Variants in COL4A2 observed in about 807,000 individuals in gnomAD.
The protein encoded by COL4A2 is collagen alpha-2(IV) chain.
Under a neutral mutation model 200.2 loss-of-function variants are expected in COL4A2, and 99 were observed. That is an observed-to-expected ratio of 0.49 (90% confidence interval 0.42 to 0.58). COL4A2 has a LOEUF of 0.58. Ranked by LOEUF, COL4A2 falls within the 20% of genes least tolerant of loss-of-function variation. COL4A2 has a pLI of 0.00. For synonymous variants in COL4A2, 897 were observed against 900.6 expected, an observed-to-expected ratio of 1.00 and a Z score of 0.07; for missense variants, 1,950 against 2,314.1, an observed-to-expected ratio of 0.84 and a Z score of 3.23.
At chr13:110,380,747 G>A (rs1406829192) in intron 4 of COL4A2, among the ~76,000 whole-genome samples, 1 of 151,190 alleles carries the variant, frequency 6.6e-6, no homozygotes, top group Non-Finnish European at 1.5e-5. Flanking sequence ...ATACCCACGT[G>A]CTCTGTCTCA....
chr13:110,449,386 GCCT>G (rs1375655364), intron 18 of COL4A2, among the ~76,000 whole-genome samples: 17 of 152,114 alleles, frequency 1.1e-4, no homozygotes, highest in African/African-American at 4.1e-4. Context: ...GGGAAGTGAG[GCCT>G]CCTCGCTCCC....
intron 16 of COL4A2, 75 bp from the exon 17 acceptor site, chr13:110,445,754 T>C (rs1043468624): frequency 7.3e-5 from 113 of 1,541,474 alleles, no homozygotes; most frequent in Non-Finnish European, 1.0e-4. Flanking sequence ...TTGTGAGATA[T>C]AATAATGCCA....
At chr13:110,474,679 A>ACG (rs1566555262) in intron 29 of COL4A2, among the ~76,000 whole-genome samples, 6 of 138,126 alleles carry the variant, frequency 4.3e-5, no homozygotes, top group Non-Finnish European at 7.9e-5. Flanking sequence ...CACTCCTTAC[A>ACG]CACGTACCCA....
At chr13:110,432,166 G>A (rs1880707089) in intron 10 of COL4A2, among the ~76,000 whole-genome samples, 159 bp from the exon 11 acceptor site, 1 of 152,196 alleles carries the variant, frequency 6.6e-6, no homozygotes, top group Non-Finnish European at 1.5e-5. Flanking sequence ...CTCTCCCCCA[G>A]CATGTCATCT....
At position 110,457,535 on chromosome 13, in the gene COL4A2, A is replaced by G. The variant is rs9555703; in HGVS notation, c.1432+100A>G. On this transcript the variant is annotated intron_variant, in intron 21 of 47. Transcript: ENST00000360467. ...CCATCCCCCACTCACGTGTTTGGAC[A>G]TGAAAATGAGCCTGCATGTCTCTCC... 0.25 allele frequency: 192,597 copies of G among 765,636 alleles called. 26,324 individuals carry two copies. The highest frequency in any genetic ancestry group is 0.3 in the Non-Finnish European group (127,927 of 429,330). 47.4% of individuals were successfully genotyped at this position (765,636 alleles called of 1,614,324 possible).
intron 3 of COL4A2, among the ~76,000 whole-genome samples, chr13:110,331,043 T>G (rs771473013): frequency 6.7e-6 from 1 of 149,300 alleles, no homozygotes; most frequent in Non-Finnish European, 1.5e-5. Context: ...ATCAGTAATA[T>G]TTTTTTCTTT....
intron 4 of COL4A2, among the ~76,000 whole-genome samples, chr13:110,405,493 T>A (rs937039919): frequency 6.8e-6 from 1 of 146,012 alleles, no homozygotes; most frequent in Admixed American, 6.8e-5. Flanking sequence ...ACCCGTCTTC[T>A]CCATCACCCG....
chr13:110,339,175 C>G (rs1876340784), intron 3 of COL4A2, among the ~76,000 whole-genome samples: 1 of 152,194 alleles, frequency 6.6e-6, no homozygotes, highest in Non-Finnish European at 1.5e-5. Flanking sequence ...AGAGAAACTT[C>G]AGTGACTTGA....
chr13:110,420,415 G>A lies in COL4A2; in HGVS notation c.181-4319G>A, dbSNP rs181991590. Among the ~76,000 whole-genome samples, 182 of 152,306 alleles carry A rather than the reference G, an allele frequency of 1.2e-3. 1 individual carries two copies. Among genetic ancestry groups the A allele is most frequent in the African/African-American group, 4.1e-3 (172 of 41,552 alleles). On this transcript the variant is annotated intron_variant, in intron 4 of 47. Transcript: ENST00000360467. ...ACCTCTACATGGTCTGGTGGTGGGA[G>A]CAGGGCGGGGGGCAGGGGACATGAC...
At chr13:110,506,329 G>A (rs891742296) in intron 45 of COL4A2, 86 bp from the exon 46 acceptor site, 41 of 1,365,932 alleles carry the variant, frequency 3.0e-5, no homozygotes, top group Non-Finnish European at 4.1e-5. Flanking sequence ...CTCTCAGGCT[G>A]TAGGTGCACC....
At position 110,307,983 on chromosome 13, in the gene COL4A2, C is replaced by G; in HGVS notation, c.44+36C>G. On this transcript the variant is annotated intron_variant, in intron 2 of 47. Coordinates refer to ENST00000360467, the MANE Select transcript of COL4A2 (RefSeq NM_001846.4). The surrounding 1 kb of genome is among the most constrained non-coding windows in gnomAD (Gnocchi z 5.0). ...TTCTGCCTGGTCCCCGTGGGTCACG[C>G]GCGCATGGACCCTTCGGTGTAACTC... 6.2e-7 allele frequency: 1 copy of G among 1,611,326 alleles called. No homozygotes were observed. Among genetic ancestry groups the G allele is most frequent in the South Asian group, 1.1e-5 (1 of 90,884 alleles).
At chr13:110,410,019 C>G (rs1879767223) in intron 4 of COL4A2, among the ~76,000 whole-genome samples, 1 of 152,220 alleles carries the variant, frequency 6.6e-6, no homozygotes, top group Non-Finnish European at 1.5e-5. Flanking sequence ...GCATCAGACA[C>G]TCGGTGTTAC....
chr13:110,491,749 G>A (rs403241), intron 37 of COL4A2, among the ~76,000 whole-genome samples: 9 of 152,050 alleles, frequency 5.9e-5, no homozygotes, highest in Non-Finnish European at 1.0e-4. Flanking sequence ...ACTCAGCACC[G>A]GGGAATGCCA....
intron 14 of COL4A2, 114 bp from the exon 15 acceptor site, chr13:110,438,504 G>C: frequency 7.2e-7 from 1 of 1,387,642 alleles, no homozygotes; most frequent in Non-Finnish European, 1.0e-6. Flanking sequence ...AGGCGGTCTG[G>C]ACACCATCGG....
chr13:110,443,715 G>C (rs1444517942), intron 16 of COL4A2, among the ~76,000 whole-genome samples: 1 of 152,156 alleles, frequency 6.6e-6, no homozygotes, highest in East Asian at 1.9e-4. Flanking sequence ...TGGTGAGCTT[G>C]CTAGCAGGAG....
At chr13:110,345,671 A>C (rs1015445071) in intron 3 of COL4A2, among the ~76,000 whole-genome samples, 1 of 152,214 alleles carries the variant, frequency 6.6e-6, no homozygotes, top group Non-Finnish European at 1.5e-5. Flanking sequence ...GTACCGACCT[A>C]GACAGCCATT....
intron 18 of COL4A2, among the ~76,000 whole-genome samples, chr13:110,449,099 A>G (rs538811068): frequency 6.6e-6 from 1 of 152,372 alleles, no homozygotes; most frequent in South Asian, 2.1e-4. Context: ...CGACATGCAG[A>G]GTGAAAGCTT....
At position 110,484,935 on chromosome 13, in the gene COL4A2, C is replaced by A. The variant is rs1290009913; in HGVS notation, c.2933C>A (p.Pro978Gln). The stretch of plus-strand genomic sequence containing the variant: ...CGAGGGGACCCTGGGCCCCCAGGAC[C>A]ACCTCCTGTCATCCTGCCAGGAATG... ...GSRGDPGPPG[P>Q]PPVILPGMKD... Residue 978 changes from proline to glutamine, a missense_variant, in exon 33 of 48, where the codon CCA (proline) becomes CAA (glutamine). Transcript: ENST00000360467. The A allele has an allele frequency of 1.2e-6, 2 of 1,612,608 alleles. No homozygotes were observed. Among genetic ancestry groups the A allele is most frequent in the Admixed American group, 1.7e-5 (1 of 59,986 alleles).
At chr13:110,331,182 C>T (rs911342068) in intron 3 of COL4A2, among the ~76,000 whole-genome samples, 4 of 152,082 alleles carry the variant, frequency 2.6e-5, no homozygotes, top group Admixed American at 6.6e-5. Context: ...CCAATAAAAT[C>T]GTGTGATAGT....
Sources: gnomAD v4.1 joint callset for allele counts (sites outside exome capture counted in the v4.1 genomes callset) on GRCh38, gnomAD v4.1.1 for gene constraint, Gnocchi (gnomAD v3.1) non-coding constraint, MANE v1.5 for transcripts, NCBI Gene and HGNC (gene_info 2026-07-23, HGNC 2026-07-21) for gene names.